The following CRB1 variants were observed in gnomAD, a reference collection of about 807,000 sequenced individuals.
The protein encoded by CRB1 is crumbs cell polarity complex component 1.
A neutral mutation model predicts 120.0 loss-of-function variants in CRB1; 83 were observed. The ratio of observed to expected loss-of-function variants is 0.69; its 90% CI spans 0.58 to 0.83. The LOEUF (loss-of-function observed/expected upper bound fraction) is 0.83, where lower values mean the gene tolerates loss of function less well. CRB1 is among the 40% of genes least tolerant of loss of function. CRB1 has a pLI of 0.00. For missense variants in CRB1, 1,699 were observed against 1,687.6 expected (o/e 1.01, Z -0.12); for synonymous variants, 625 against 612.5 (o/e 1.02, Z -0.30).
At chr1:197,224,134 G>A in the CRB1 span, among the ~76,000 whole-genome samples, 8 of 149,634 alleles carry the variant, frequency 5.3e-5, no homozygotes, top group South Asian at 2.1e-4. Context: ...CTCTTGTACC[G>A]AAAAAATTTT....
At chr1:197,366,416 G>A (rs1661079363) in intron 5 of CRB1, among the ~76,000 whole-genome samples, 1 of 152,040 alleles carries the variant, frequency 6.6e-6, no homozygotes, top group East Asian at 1.9e-4. Context: ...ACCTTTCCAA[G>A]TGTTAAATAC....
chr1:197,437,318 C>T (rs1306184967), intron 9 of CRB1, among the ~76,000 whole-genome samples: 25 of 152,100 alleles, frequency 1.6e-4, no homozygotes, highest in Admixed American at 1.6e-3. Flanking sequence ...GAAAGCAAGG[C>T]ACTGTTGTAG....
chr1:197,310,081 A>T (rs1443879165), intron 1 of CRB1, among the ~76,000 whole-genome samples: 1 of 152,206 alleles, frequency 6.6e-6, no homozygotes, highest in African/African-American at 2.4e-5. Context: ...GTGCAATGGT[A>T]TGATGTTTAT....
chr1:197,459,153 A>G (rs1666414262), intron 11 of CRB1, among the ~76,000 whole-genome samples: 1 of 152,150 alleles, frequency 6.6e-6, no homozygotes, highest in African/African-American at 2.4e-5. Flanking sequence ...ATAGAAGTGG[A>G]TAAATTAAGA....
rs553092263 is a variant in CRB1 at position 197,276,952 on chromosome 1, G to A, written c.70+8470G>A. Reference sequence around the variant, plus strand: ...TTGTCAGATTCTAAACCTCCCACAAGCTCACACCAGCTTATTTATTCCAAA... The same window carrying A: ...TTGTCAGATTCTAAACCTCCCACAAACTCACACCAGCTTATTTATTCCAAA... On this transcript the variant is annotated intron_variant, in intron 1 of 11. Transcript: ENST00000367400. Among the ~76,000 whole-genome samples, 522 of 151,944 alleles carry A rather than the reference G, an allele frequency of 3.4e-3. 1 individual carries two copies. The highest frequency in any genetic ancestry group is 5.0e-3 in the Non-Finnish European group (340 of 67,906).
intron 8 of CRB1, among the ~76,000 whole-genome samples, chr1:197,430,248 G>A (rs1571546182): frequency 6.6e-6 from 1 of 152,106 alleles, no homozygotes. Context: ...TAACTATACT[G>A]TTATTTATAT....
At chr1:197,383,611 C>A (rs924016032) in intron 5 of CRB1, among the ~76,000 whole-genome samples, 2 of 152,172 alleles carry the variant, frequency 1.3e-5, no homozygotes, top group African/African-American at 2.4e-5. Context: ...ACCTGATATG[C>A]AGCTTCCTCC....
At position 197,330,570 on chromosome 1, in the gene CRB1, TC is replaced by T. The variant is rs1329915780; in HGVS notation, c.652+1569del. On this transcript the variant is annotated intron_variant, in intron 2 of 11. Coordinates refer to ENST00000367400, the MANE Select transcript of CRB1 (RefSeq NM_201253.3). ...AAGTCATTTCTTTCCCCCTGGAATG[TC>T]CTTCCTCACTTCACAATGTCTACTC... 2.6e-5 allele frequency among the ~76,000 whole-genome samples: 4 copies of T among 152,322 alleles called. No individual in the cohort carries two copies. In the East Asian group the frequency reaches 7.7e-4, roughly 29 times the overall value.
chr1:197,254,821 A>G, the CRB1 span, among the ~76,000 whole-genome samples: 2 of 152,124 alleles, frequency 1.3e-5, no homozygotes, highest in East Asian at 1.9e-4. Context: ...TGTTTCTCCT[A>G]TAATTCTAGA....
chr1:197,348,666 C>T (rs2359153), intron 4 of CRB1, among the ~76,000 whole-genome samples: 4,247 of 151,800 alleles, frequency 0.028, 206 homozygotes, highest in African/African-American at 0.097. Flanking sequence ...TTAGTAGAGA[C>T]GGGGTTTCAC....
At chr1:197,259,730 CT>C in the CRB1 span, among the ~76,000 whole-genome samples, 1 of 152,074 alleles carries the variant, frequency 6.6e-6, no homozygotes, top group Non-Finnish European at 1.5e-5. Context: ...AAATTATCCC[CT>C]CATTAACTTA....
intron 5 of CRB1, among the ~76,000 whole-genome samples, chr1:197,385,886 A>G (rs1571445079): frequency 1.3e-5 from 2 of 152,258 alleles, no homozygotes; most frequent in Middle Eastern, 3.4e-3. Flanking sequence ...AACTACAATC[A>G]GAAGTGGTTA....
intron 9 of CRB1, among the ~76,000 whole-genome samples, chr1:197,436,867 G>C (rs1271546660): frequency 6.6e-6 from 1 of 152,098 alleles, no homozygotes; most frequent in East Asian, 1.9e-4. Flanking sequence ...AAACCCAGCA[G>C]TGCATTGAAA....
the CRB1 span, among the ~76,000 whole-genome samples, chr1:197,232,821 A>G: frequency 6.6e-6 from 1 of 152,060 alleles, no homozygotes; most frequent in South Asian, 2.1e-4. Context: ...CATTTTAAGG[A>G]CTGCTTAAAC....
At chr1:197,306,831 G>A (rs770371113) in intron 1 of CRB1, among the ~76,000 whole-genome samples, 22 of 152,112 alleles carry the variant, frequency 1.4e-4, no homozygotes, top group South Asian at 4.1e-4. Flanking sequence ...AAGCCCACAG[G>A]TGCTCATTTC....
At chr1:197,283,589 TG>T (rs1655659455) in intron 1 of CRB1, among the ~76,000 whole-genome samples, 3 of 151,886 alleles carry the variant, frequency 2.0e-5, no homozygotes, top group Non-Finnish European at 4.4e-5. Flanking sequence ...TTTTTATGGC[TG>T]AGTAGTATTC....
chr1:197,408,406 A>C (rs1166303815), intron 5 of CRB1, among the ~76,000 whole-genome samples: 3 of 152,208 alleles, frequency 2.0e-5, no homozygotes, highest in Non-Finnish European at 1.5e-5. Context: ...TTTTAATACA[A>C]CCATTTATGC....
At chr1:197,242,402 A>T in the CRB1 span, among the ~76,000 whole-genome samples, 1 of 151,990 alleles carries the variant, frequency 6.6e-6, no homozygotes, top group African/African-American at 2.4e-5. Context: ...GTTTAATTTT[A>T]TCAAAGGCCT....
intron 11 of CRB1, among the ~76,000 whole-genome samples, chr1:197,449,658 G>A (rs927916549): frequency 3.9e-5 from 6 of 152,166 alleles, no homozygotes; most frequent in South Asian, 2.1e-4. Context: ...GAGCCACCAC[G>A]CCTGGCCCAG....
Sources: gnomAD v4.1 joint callset for allele counts (sites outside exome capture counted in the v4.1 genomes callset) on GRCh38, gnomAD v4.1.1 for gene constraint, MANE v1.5 for transcripts, NCBI Gene and HGNC (gene_info 2026-07-23, HGNC 2026-07-21) for gene names.